The following NUBPL variants were observed in gnomAD, a reference collection of about 807,000 sequenced individuals.
NUBPL encodes the protein iron-sulfur cluster transfer protein NUBPL.
In NUBPL, 31 loss-of-function variants were observed where a neutral mutation model predicts 45.7. The observed-to-expected ratio is 0.68, with a 90% CI of 0.51 to 0.92. The LOEUF (loss-of-function observed/expected upper bound fraction) is 0.92, where lower values mean the gene tolerates loss of function less well. Ranked by LOEUF, NUBPL falls within the 40% of genes least tolerant of loss-of-function variation. The probability of loss-of-function intolerance (pLI) is 0.00; values close to 1 mark genes in which losing one functional copy is unlikely to be tolerated. For synonymous variants in NUBPL, 144 were observed against 140.9 expected (o/e 1.02, Z -0.15); for missense variants, 401 against 398.7 (o/e 1.01, Z -0.05).
At chr14:31,737,551 G>A (rs144395447) in intron 6 of NUBPL, among the ~76,000 whole-genome samples, 2 of 152,304 alleles carry the variant, frequency 1.3e-5, no homozygotes, top group South Asian at 2.1e-4. Context: ...GGGAGGCCAA[G>A]GTGGGCAGAT....
chr14:31,608,128 T>G (rs989279092), intron 4 of NUBPL, among the ~76,000 whole-genome samples: 1 of 152,188 alleles, frequency 6.6e-6, no homozygotes, highest in Non-Finnish European at 1.5e-5. Flanking sequence ...TACCCTAAAA[T>G]AGTATATCTG....
At chr14:31,640,207 G>C (rs997719057) in intron 4 of NUBPL, among the ~76,000 whole-genome samples, 3 of 152,168 alleles carry the variant, frequency 2.0e-5, no homozygotes, top group East Asian at 1.9e-4. Context: ...GACCAGAGCT[G>C]TTCCTATTCG....
At position 31,837,073 on chromosome 14, in the gene NUBPL, C is replaced by G. The variant is rs542486880; in HGVS notation, c.694-9398C>G. On this transcript the variant is annotated intron_variant, in intron 8 of 10. Transcript: ENST00000281081. ...AGTTTTTAAAAATATTCGTAATAGG[C>G]CAGGTGCAGAGGCTGAGGTGGGAGG... 5.3e-5 allele frequency among the ~76,000 whole-genome samples: 8 copies of G among 152,130 alleles called. No homozygotes were observed. In the East Asian group the frequency reaches 9.6e-4, roughly 18 times the overall value.
rs540320259 is a variant in NUBPL, at chr14:31,706,316, G to A, written c.513+32742G>A. On this transcript the variant is annotated intron_variant, in intron 6 of 10. Transcript: ENST00000281081. ...GAAGGGCCAGCGGATCGGTCCAGGG[G>A]TCCTCGGTAGAAGTTGTTAGTTGAG... Among the ~76,000 whole-genome samples, 3 of 152,308 alleles carry A rather than the reference G, an allele frequency of 2.0e-5. No individual in the cohort carries two copies. In the South Asian group the frequency reaches 6.2e-4, roughly 32 times the overall value.
chr14:31,765,135 T>C (rs1323143655), intron 6 of NUBPL, among the ~76,000 whole-genome samples: 1 of 152,174 alleles, frequency 6.6e-6, no homozygotes, highest in Non-Finnish European at 1.5e-5. Context: ...TTAATTGATA[T>C]ATTCAAAAAA....
At chr14:31,765,433 A>G (rs1254402407) in intron 6 of NUBPL, among the ~76,000 whole-genome samples, 1 of 152,164 alleles carries the variant, frequency 6.6e-6, no homozygotes, top group East Asian at 1.9e-4. Flanking sequence ...AGAAATTTTA[A>G]TTTTGACTTA....
At chr14:31,572,428 T>C (rs8011919) in intron 3 of NUBPL, among the ~76,000 whole-genome samples, 151,634 of 152,264 alleles carry the variant, frequency 1, 75,507 homozygotes, top group Middle Eastern at 1. Context: ...CGTGAGCCAC[T>C]GTGCCTGGCC....
intron 7 of NUBPL, among the ~76,000 whole-genome samples, chr14:31,810,479 C>T (rs2138901139): frequency 6.6e-6 from 1 of 151,938 alleles, no homozygotes; most frequent in Middle Eastern, 3.4e-3. Flanking sequence ...GGTAGATCTT[C>T]CTCCATCCCT....
rs532312157 is a variant in NUBPL at position 31,773,722 on chromosome 14, C to T, written c.514-14058C>T. The stretch of plus-strand genomic sequence containing the variant: ...GTAGGGTAGGACTATACCTAACTGA[C>T]GTAGAAGAATCAGGAAATTAGGAGC... On this transcript the variant is annotated intron_variant, in intron 6 of 10. Transcript: ENST00000281081. Among the ~76,000 whole-genome samples the T allele has an allele frequency of 5.9e-5, 9 of 152,136 alleles. No homozygotes were observed. In the South Asian group the frequency reaches 1.2e-3, roughly 21 times the overall value.
rs78988427 is a variant in NUBPL at position 31,803,589 on chromosome 14, G to A, written c.607+15716G>A. On this transcript the variant is annotated intron_variant, in intron 7 of 10. Transcript: ENST00000281081. ...GTTTCCAGAACAGCACGTTAAAGGA[G>A]GCAATCAATTTTGGACTTTTTTCAA... Among the ~76,000 whole-genome samples the A allele has an allele frequency of 8.7e-4, 133 of 152,024 alleles. 2 individuals carry two copies. In the East Asian group the frequency reaches 0.024, roughly 27 times the overall value.
chr14:31,842,177 T>G (rs2040387436), intron 8 of NUBPL, among the ~76,000 whole-genome samples: 2 of 151,838 alleles, frequency 1.3e-5, no homozygotes, highest in Non-Finnish European at 1.5e-5. Context: ...CCGCCCGTCT[T>G]GGCCTCCCAA....
intron 6 of NUBPL, among the ~76,000 whole-genome samples, chr14:31,736,815 A>G (rs887635718): frequency 5.9e-5 from 9 of 152,124 alleles, no homozygotes; most frequent in African/African-American, 1.9e-4. Flanking sequence ...TTAATCTCCA[A>G]CCATTCATAT....
intron 6 of NUBPL, among the ~76,000 whole-genome samples, chr14:31,681,359 T>G (rs1393369729): frequency 6.6e-6 from 1 of 151,992 alleles, no homozygotes; most frequent in African/African-American, 2.4e-5. Context: ...TTTTCTTATG[T>G]TTTTAAATGG....
chr14:31,731,408 C>T (rs948237002), intron 6 of NUBPL, among the ~76,000 whole-genome samples: 2 of 152,160 alleles, frequency 1.3e-5, no homozygotes, highest in African/African-American at 4.8e-5. Context: ...ATTTTTTATG[C>T]CTCTGGGTTT....
At chr14:31,802,340 A>G (rs1247779306) in intron 7 of NUBPL, among the ~76,000 whole-genome samples, 5 of 151,262 alleles carry the variant, frequency 3.3e-5, no homozygotes, top group Non-Finnish European at 5.9e-5. Context: ...CAGTGACATG[A>G]TCTTGGCTCA....
chr14:31,655,381 T>C (rs961262522), intron 4 of NUBPL, among the ~76,000 whole-genome samples: 1 of 152,188 alleles, frequency 6.6e-6, no homozygotes, highest in African/African-American at 2.4e-5. Flanking sequence ...ATCAGAGCTC[T>C]TGGGTGTCCA....
At chr14:31,684,707 C>T (rs1024530629) in intron 6 of NUBPL, among the ~76,000 whole-genome samples, 3 of 151,910 alleles carry the variant, frequency 2.0e-5, no homozygotes, top group Admixed American at 6.6e-5. Context: ...CCTATTAGAC[C>T]CCAATTTATC....
intron 4 of NUBPL, among the ~76,000 whole-genome samples, chr14:31,616,104 T>C (rs987527096): frequency 1.3e-5 from 2 of 152,240 alleles, no homozygotes; most frequent in African/African-American, 2.4e-5. Context: ...TTTTGAGAAG[T>C]GTCTCTTCAT....
At chr14:31,623,974 G>C (rs1566455650) in intron 4 of NUBPL, among the ~76,000 whole-genome samples, 1 of 152,252 alleles carries the variant, frequency 6.6e-6, no homozygotes, top group East Asian at 1.9e-4. Context: ...ATGGATTTTA[G>C]GTAAGGGAGT....
Sources: gnomAD v4.1 joint callset for allele counts (sites outside exome capture counted in the v4.1 genomes callset) on GRCh38, gnomAD v4.1.1 for gene constraint, MANE v1.5 for transcripts, NCBI Gene and HGNC (gene_info 2026-07-23, HGNC 2026-07-21) for gene names.